Variants in DNAL1 observed in about 807,000 individuals in gnomAD.
The protein encoded by DNAL1 is chromosome 14 open reading frame 168.
Under a neutral mutation model 29.4 loss-of-function variants are expected in DNAL1, and 17 were observed. The ratio of observed to expected loss-of-function variants is 0.58; its 90% CI spans 0.40 to 0.87. The LOEUF (loss-of-function observed/expected upper bound fraction) is 0.87. DNAL1 is among the 40% of genes least tolerant of loss of function. The pLI is 0.00. For synonymous variants in DNAL1, 78 were observed against 76.3 expected (o/e 1.02, Z -0.12); for missense variants, 188 against 214.1 (o/e 0.88, Z 0.76).
At chr14:73,671,445 T>G in intron 4 of DNAL1, 97 bp from the exon 5 acceptor site, 1 of 1,200,132 alleles carries the variant, frequency 8.3e-7, no homozygotes, top group East Asian at 3.3e-5. Flanking sequence ...TAAGGATATC[T>G]ATTATATAAA....
At chr14:73,662,508 AT>A (rs1338930609) in intron 4 of DNAL1, among the ~76,000 whole-genome samples, 1 of 152,100 alleles carries the variant, frequency 6.6e-6, no homozygotes, top group African/African-American at 2.4e-5. Context: ...ATATTCTCTT[AT>A]GGTTCTGGAG....
chr14:73,683,432 T>C (rs750708816), intron 5 of DNAL1, among the ~76,000 whole-genome samples: 4 of 152,130 alleles, frequency 2.6e-5, no homozygotes, highest in African/African-American at 4.8e-5. Flanking sequence ...TTCAGCCCTA[T>C]TATAATCTTA....
chr14:73,688,124 A>G (rs1013960295), intron 6 of DNAL1, among the ~76,000 whole-genome samples: 1 of 152,212 alleles, frequency 6.6e-6, no homozygotes, highest in African/African-American at 2.4e-5. Context: ...TTTAAATTTA[A>G]TACTTCAAAG....
chr14:73,658,461 A>G (rs142744383), intron 2 of DNAL1, among the ~76,000 whole-genome samples: 3,313 of 152,192 alleles, frequency 0.022, 54 homozygotes, highest in Non-Finnish European at 0.032. Flanking sequence ...TTTTGATAGG[A>G]ATTACATTGA....
rs200402467 is a variant in DNAL1 at position 73,690,675 on chromosome 14, T to C, written c.532+1160T>C. ...CTCAAAAAAAAAAAAAAGAGAAGGA[T>C]CCTGACTTCCAGACAACATAAAGTT... On this transcript the variant is annotated intron_variant, in intron 7 of 7. Coordinates refer to ENST00000553645, the MANE Select transcript of DNAL1 (RefSeq NM_031427.4). Among the ~76,000 whole-genome samples the C allele has an allele frequency of 5.8e-4, 88 of 150,434 alleles. No individual in the cohort carries two copies. In the East Asian group the frequency reaches 0.011, roughly 20 times the overall value.
chr14:73,686,490 G>A (rs1892021488), intron 5 of DNAL1, among the ~76,000 whole-genome samples: 1 of 152,140 alleles, frequency 6.6e-6, no homozygotes, highest in African/African-American at 2.4e-5. Context: ...GATCCCTTGA[G>A]TCCAGGAGTT....
At chr14:73,669,550 C>T (rs1273514240) in intron 4 of DNAL1, among the ~76,000 whole-genome samples, 2 of 152,224 alleles carry the variant, frequency 1.3e-5, no homozygotes, top group Non-Finnish European at 2.9e-5. Flanking sequence ...GCTGGGATTA[C>T]AGGCATGAGC....
chr14:73,660,823 C>T (rs1891324656), intron 3 of DNAL1, among the ~76,000 whole-genome samples: 1 of 152,134 alleles, frequency 6.6e-6, no homozygotes, highest in African/African-American at 2.4e-5. Flanking sequence ...AGGTTTTATA[C>T]CTCATACTAA....
intron 5 of DNAL1, among the ~76,000 whole-genome samples, chr14:73,683,946 A>G (rs1891953567): frequency 6.6e-6 from 1 of 152,038 alleles, no homozygotes; most frequent in South Asian, 2.1e-4. Context: ...GCCTCAAGTG[A>G]TCCACCTACC....
chr14:73,651,026 T>C (rs1891101741), intron 1 of DNAL1: 1 of 152,204 alleles, frequency 6.6e-6, no homozygotes, highest in African/African-American at 2.4e-5. Flanking sequence ...TCCCCTCTAA[T>C]CCATTAATTA....
chr14:73,672,603 GTC>G (rs1891640217), intron 5 of DNAL1, among the ~76,000 whole-genome samples: 1 of 47,224 alleles, frequency 2.1e-5, no homozygotes, highest in African/African-American at 1.3e-4. Flanking sequence ...GCGAGACTCT[GTC>G]TCAAAAAAAA....
At chr14:73,645,338 G>C (rs1206418604) in intron 1 of DNAL1, among the ~76,000 whole-genome samples, 1 of 152,142 alleles carries the variant, frequency 6.6e-6, no homozygotes, top group Non-Finnish European at 1.5e-5. Context: ...GGAGTGGGAA[G>C]GGTGATGGGA....
chr14:73,645,219 C>T (rs561210042), intron 1 of DNAL1, among the ~76,000 whole-genome samples, 177 bp downstream of exon 1: 1 of 152,088 alleles, frequency 6.6e-6, no homozygotes, highest in African/African-American at 2.4e-5. Flanking sequence ...CGGGGGTGGT[C>T]TGTGGTGAGG....
chr14:73,657,041 C>A (rs1891234023), intron 2 of DNAL1, among the ~76,000 whole-genome samples: 1 of 152,128 alleles, frequency 6.6e-6, no homozygotes. Context: ...TGCTCAGCCT[C>A]CCAAAGTGCT....
At chr14:73,669,166 G>T (rs527842233) in intron 4 of DNAL1, among the ~76,000 whole-genome samples, 3 of 151,784 alleles carry the variant, frequency 2.0e-5, no homozygotes, top group Non-Finnish European at 4.4e-5. Context: ...TTTAGACAGG[G>T]TCTCACTCTG....
intron 4 of DNAL1, among the ~76,000 whole-genome samples, chr14:73,668,973 G>A (rs1398788008): frequency 6.6e-6 from 1 of 151,888 alleles, no homozygotes; most frequent in East Asian, 1.9e-4. Context: ...CTCTACACCT[G>A]GCCCCTCCCT....
At chr14:73,667,817 A>T (rs903609708) in intron 4 of DNAL1, among the ~76,000 whole-genome samples, 2 of 152,236 alleles carry the variant, frequency 1.3e-5, no homozygotes. Flanking sequence ...TTTATCTCAG[A>T]TAGTGACAAG....
chr14:73,678,161 G>C (rs1462920318), intron 5 of DNAL1, among the ~76,000 whole-genome samples: 2 of 152,054 alleles, frequency 1.3e-5, no homozygotes, highest in East Asian at 3.9e-4. Flanking sequence ...GCCTCCCAAA[G>C]TGCTTAGGAC....
Position 73,695,925 on chromosome 14 carries a change from G to A in DNAL1, c.556G>A (p.Glu186Lys). 1 of 1,589,666 alleles carries A rather than the reference G, an allele frequency of 6.3e-7. No homozygotes were observed. Among genetic ancestry groups the A allele is most frequent in the Non-Finnish European group, 8.6e-7 (1 of 1,166,610 alleles). Reference sequence around the variant, plus strand: ...AGGTACTCCAGTAATTAAAGGGGATGAGGAAGAAGACAACTAATGCCACGC... The same window carrying A: ...AGGTACTCCAGTAATTAAAGGGGATAAGGAAGAAGACAACTAATGCCACGC... ...LDGTPVIKGD[E>K]EEDN Residue 186 changes from glutamate (E) to lysine (K), a missense_variant, in exon 8 of 8, where the codon GAG becomes AAG. Glu to Lys is a moderately conservative substitution (Grantham distance 56). Coordinates refer to ENST00000553645, the MANE Select transcript of DNAL1 (RefSeq NM_031427.4).
Sources: gnomAD v4.1 joint callset for allele counts (sites outside exome capture counted in the v4.1 genomes callset) on GRCh38, gnomAD v4.1.1 for gene constraint, MANE v1.5 for transcripts, NCBI Gene and HGNC (gene_info 2026-07-23, HGNC 2026-07-21) for gene names.